The following DCDC2C variants were observed in gnomAD, a reference collection of about 807,000 sequenced individuals.
DCDC2C encodes the protein doublecortin domain-containing protein 2C.
Under a neutral mutation model 45.0 loss-of-function variants are expected in DCDC2C, and 44 were observed. The observed-to-expected ratio is 0.98, with a 90% confidence interval of 0.77 to 1.26. The LOEUF is 1.26. Among genes scored for constraint, DCDC2C ranks in the 50% most tolerant of loss-of-function variants. DCDC2C has a pLI of 0.00. For synonymous variants in DCDC2C, 187 were observed against 178.8 expected (o/e 1.05, Z -0.37); for missense variants, 447 against 468.9 (o/e 0.95, Z 0.43).
chr2:3,732,370 G>T lies in DCDC2C; in HGVS notation c.416+5291G>T, dbSNP rs560971255. Among the ~76,000 whole-genome samples, 10 of 152,274 alleles carry T rather than the reference G, an allele frequency of 6.6e-5. No homozygotes were observed. The South Asian group carries it at 1.7e-3, about 25-fold the overall frequency. The stretch of plus-strand genomic sequence containing the variant: ...GCTGCCTGAGGCTGTCAATGGAACT[G>T]TGGTTTGAGATCTCTGGTTGGAGTG... On this transcript the variant is annotated intron_variant, in intron 3 of 10. Coordinates refer to ENST00000399143, the MANE Select transcript of DCDC2C (RefSeq NM_001287444.2).
chr2:3,766,710 A>G (rs1670022455), intron 6 of DCDC2C, among the ~76,000 whole-genome samples: 2 of 152,150 alleles, frequency 1.3e-5, no homozygotes, highest in African/African-American at 4.8e-5. Context: ...TGACATAGAG[A>G]GCTCGAGAGA....
At chr2:3,742,665 T>A (rs186910465) in intron 4 of DCDC2C, among the ~76,000 whole-genome samples, 191 of 152,346 alleles carry the variant, frequency 1.3e-3, no homozygotes, top group African/African-American at 4.2e-3. Flanking sequence ...TCCTCATATA[T>A]GTAAAGTGCT....
chr2:3,827,516 T>C (rs1222070261), intron 10 of DCDC2C, among the ~76,000 whole-genome samples: 1 of 152,228 alleles, frequency 6.6e-6, no homozygotes, highest in Non-Finnish European at 1.5e-5. Flanking sequence ...TCATACATTA[T>C]GCTAATTGGG....
chr2:3,731,424 T>G (rs551187419), intron 3 of DCDC2C, among the ~76,000 whole-genome samples: 1 of 152,350 alleles, frequency 6.6e-6, no homozygotes, highest in South Asian at 2.1e-4. Flanking sequence ...CTATGTCTTA[T>G]GACCACACAC....
Position 3,708,718 on chromosome 2 carries a change from G to A in DCDC2C, c.339+118G>A, listed in dbSNP as rs534791779. ...AAGCAGTAAATGCCTGCAGAGATGT[G>A]TTGCTCTTGAAGCCAGAACACACTG... On this transcript the variant is annotated intron_variant, in intron 2 of 10. Transcript: ENST00000399143. 3.6e-5 allele frequency: 27 copies of A among 752,746 alleles called. No individual in the cohort carries two copies. In the African/African-American group the frequency reaches 4.6e-4, roughly 13 times the overall value. The allele number at this position is 752,746 out of a possible 1,614,324, so 46.6% of individuals were successfully genotyped here.
In DCDC2C at chr2:3,717,277, G is replaced by A. The variant is rs1668374244; in HGVS notation, c.339+8677G>A. Among the ~76,000 whole-genome samples, 4 of 152,062 alleles carry A rather than the reference G, an allele frequency of 2.6e-5. No individual in the cohort carries two copies. The South Asian group carries it at 8.3e-4, about 32-fold the overall frequency. ...ATCTCTAGGACTCTGTCACTTGGAT[G>A]TCCCAAAGACATCTCAAACTCAGCA... On this transcript the variant is annotated intron_variant, in intron 2 of 10. Transcript: ENST00000399143.
chr2:3,769,702 T>C (rs1010610490), intron 8 of DCDC2C, among the ~76,000 whole-genome samples: 3 of 152,210 alleles, frequency 2.0e-5, no homozygotes, highest in Admixed American at 2.0e-4. Flanking sequence ...CTCACTAAGC[T>C]ACTGACTCCA....
chr2:3,712,785 C>G (rs1314296099), intron 2 of DCDC2C, among the ~76,000 whole-genome samples: 1 of 152,152 alleles, frequency 6.6e-6, no homozygotes, highest in Non-Finnish European at 1.5e-5. Flanking sequence ...ATTCACATAG[C>G]CAGGGCTGAG....
At chr2:3,793,198 A>G (rs753602452) in intron 10 of DCDC2C, among the ~76,000 whole-genome samples, 3 of 152,240 alleles carry the variant, frequency 2.0e-5, no homozygotes, top group Non-Finnish European at 1.5e-5. Flanking sequence ...CCTTAAAAAA[A>G]GTTGTAGTAT....
At chr2:3,799,321 C>T (rs1379637941) in intron 10 of DCDC2C, among the ~76,000 whole-genome samples, 1 of 152,130 alleles carries the variant, frequency 6.6e-6, no homozygotes, top group Non-Finnish European at 1.5e-5. Flanking sequence ...TTTGAATTTC[C>T]TCCTGTAGCT....
chr2:3,837,513 G>A (rs759938227), intron 10 of DCDC2C, among the ~76,000 whole-genome samples: 13 of 152,148 alleles, frequency 8.5e-5, no homozygotes, highest in Non-Finnish European at 1.3e-4. Context: ...CATGGTCAAG[G>A]CTAGGTTCTT....
At chr2:3,844,012 A>G (rs1398250682) in intron 10 of DCDC2C, among the ~76,000 whole-genome samples, 4 of 152,148 alleles carry the variant, frequency 2.6e-5, no homozygotes, top group Non-Finnish European at 5.9e-5. Context: ...ATTTCAGTTG[A>G]CTTAGGTGGC....
chr2:3,727,212 C>G (rs1259346793), intron 3 of DCDC2C, 133 bp downstream of exon 3: 3 of 673,556 alleles, frequency 4.5e-6, no homozygotes, highest in Non-Finnish European at 7.7e-6. Context: ...CTCTCTTGTG[C>G]TCTCACTTCC....
chr2:3,758,680 A>G (rs1184520808), intron 6 of DCDC2C, among the ~76,000 whole-genome samples: 2 of 152,184 alleles, frequency 1.3e-5, no homozygotes, highest in Non-Finnish European at 2.9e-5. Context: ...ACAAGGGTTT[A>G]TGATTTCTCT....
At chr2:3,711,573 A>G (rs1187088238) in intron 2 of DCDC2C, among the ~76,000 whole-genome samples, 4 of 152,186 alleles carry the variant, frequency 2.6e-5, no homozygotes, top group Non-Finnish European at 5.9e-5. Context: ...ATAGCCTCAT[A>G]GAGTGAGTGC....
rs114604225 is a variant in DCDC2C, at chr2:3,713,669, T to C, written c.339+5069T>C. Among the ~76,000 whole-genome samples, 1,353 of 152,300 alleles carry C rather than the reference T, an allele frequency of 8.9e-3. 20 individuals are homozygous for C. Among genetic ancestry groups the C allele is most frequent in the African/African-American group, 0.031 (1,279 of 41,540 alleles). Reference sequence around the variant, plus strand: ...CATTTTGTTTTTAAATTACGAAATGTTGGGGACAACCTGAATGTCCACTAG... The same window carrying C: ...CATTTTGTTTTTAAATTACGAAATGCTGGGGACAACCTGAATGTCCACTAG... On this transcript the variant is annotated intron_variant, in intron 2 of 10. Coordinates refer to ENST00000399143, the MANE Select transcript of DCDC2C (RefSeq NM_001287444.2).
chr2:3,749,726 T>C (rs1669482752), intron 4 of DCDC2C, among the ~76,000 whole-genome samples: 1 of 152,200 alleles, frequency 6.6e-6, no homozygotes, highest in Non-Finnish European at 1.5e-5. Flanking sequence ...TGGCCATGGC[T>C]CTGTCTCCAC....
chr2:3,732,600 C>T (rs1221106148), intron 3 of DCDC2C, among the ~76,000 whole-genome samples: 6 of 152,082 alleles, frequency 3.9e-5, no homozygotes, highest in African/African-American at 1.4e-4. Flanking sequence ...TGTGTAAAGG[C>T]TGATCAAGGA....
chr2:3,796,895 C>G (rs560131055), intron 10 of DCDC2C, among the ~76,000 whole-genome samples: 50 of 151,368 alleles, frequency 3.3e-4, no homozygotes, highest in Admixed American at 1.1e-3. Context: ...AAATGAGTTA[C>G]GGAGGATTCC....
Sources: allele counts gnomAD v4.1 joint callset (sites outside exome capture counted in the v4.1 genomes callset), GRCh38; gene constraint gnomAD v4.1.1; transcripts MANE v1.5; gene names NCBI Gene and HGNC (gene_info 2026-07-23, HGNC 2026-07-21).